GLRA1: variants seen among roughly 807,000 people sequenced by gnomAD.
GLRA1 encodes the protein glycine receptor subunit alpha-1.
In GLRA1, 37 loss-of-function variants were observed where a neutral mutation model predicts 48.3. The observed-to-expected ratio is 0.77, with a 90% CI of 0.59 to 1.01. The LOEUF (loss-of-function observed/expected upper bound fraction) is 1.01. GLRA1 is among the 50% of genes least tolerant of loss of function. The pLI, the probability that GLRA1 is intolerant of heterozygous loss-of-function variation, is 0.00. For synonymous variants in GLRA1, 196 were observed against 210.7 expected (o/e 0.93, Z 0.60); for missense variants, 427 against 571.0 (o/e 0.75, Z 2.57).
At chr5:151,899,230 C>T (rs935474883) in intron 1 of GLRA1, among the ~76,000 whole-genome samples, 17 of 152,166 alleles carry the variant, frequency 1.1e-4, no homozygotes, top group Admixed American at 8.5e-4. Context: ...GGCTGCCACT[C>T]TGCTTAGGTG....
chr5:151,822,714 T>C lies in GLRA1; in HGVS notation c.1309A>G (p.Ile437Val). ...TCCTCTCTACGGACAATCTTGTAGA[T>C]GATCCAGTAGAACATGTTGAAAATG... The part of the protein sequence containing the change: ...FLIFNMFYWI[I>V]YKIVRREDVH... The change falls in exon 9 of 9, where the codon ATC becomes GTC. Residue 437 changes from isoleucine to valine, a missense_variant. By Grantham distance (29) the Ile-to-Val change is conservative (BLOSUM62 3). This residue lies in a region of GLRA1 where 121 missense variants were observed against 96.5 expected (regional missense o/e 1.25). Transcript: ENST00000274576. 1 of 1,613,922 alleles carries C rather than the reference T, an allele frequency of 6.2e-7. No individual in the cohort carries two copies. The highest frequency in any genetic ancestry group is 1.3e-5 in the African/African-American group (1 of 75,026).
chr5:151,870,301 G>A (rs567635314), intron 3 of GLRA1, among the ~76,000 whole-genome samples: 1 of 149,436 alleles, frequency 6.7e-6, no homozygotes, highest in African/African-American at 2.6e-5. Flanking sequence ...GGAAGGAAGG[G>A]TGGATGTTAA....
chr5:151,924,666 C>A lies in GLRA1; in HGVS notation c.-117G>T. On this transcript the variant is annotated 5_prime_UTR_variant, in exon 1 of 9. Transcript: ENST00000274576. ...AAATAATCCAGATGTTAAAGGGAGG[C>A]GGGGAACAGGGGCGCGGAGGGAGAG... 2 of 775,580 alleles carry A rather than the reference C, an allele frequency of 2.6e-6. No individual in the cohort carries two copies. Among genetic ancestry groups the A allele is most frequent in the South Asian group, 1.4e-5 (1 of 73,620 alleles). The allele number at this position is 775,580 out of a possible 1,614,324, so 48.0% of individuals were successfully genotyped here.
At chr5:151,826,746 C>T (rs770750226) in intron 8 of GLRA1, among the ~76,000 whole-genome samples, 25 of 152,222 alleles carry the variant, frequency 1.6e-4, no homozygotes, top group Non-Finnish European at 2.5e-4. Context: ...ACTTAGGGAG[C>T]GTAGAAGCAG....
intron 2 of GLRA1, among the ~76,000 whole-genome samples, chr5:151,889,937 T>C (rs116375107): frequency 0.014 from 2,160 of 152,164 alleles, 69 homozygotes; most frequent in African/African-American, 0.049. Flanking sequence ...TAAGGCTAGT[T>C]GCAGGGTTGG....
chr5:151,896,982 T>G (rs1039609515), intron 1 of GLRA1, among the ~76,000 whole-genome samples: 2 of 152,184 alleles, frequency 1.3e-5, no homozygotes, highest in East Asian at 3.8e-4. Context: ...AGAGGCATAT[T>G]AACACCTAAC....
chr5:151,844,637 A>G (rs1481119039), intron 7 of GLRA1, among the ~76,000 whole-genome samples: 4 of 142,768 alleles, frequency 2.8e-5, no homozygotes, highest in Middle Eastern at 3.5e-3. Context: ...AAAAAAAAAA[A>G]AAAAGAAAAA....
chr5:151,859,676 C>T (rs989815494), intron 4 of GLRA1, 109 bp downstream of exon 4: 4 of 791,600 alleles, frequency 5.1e-6, no homozygotes, highest in African/African-American at 1.7e-5. Context: ...TGTTGGGTTG[C>T]CAGGGCCTGT....
At chr5:151,845,477 C>G (rs975310989) in intron 7 of GLRA1, among the ~76,000 whole-genome samples, 22 of 152,278 alleles carry the variant, frequency 1.4e-4, no homozygotes, top group Admixed American at 3.3e-4. Flanking sequence ...TGAAACAATG[C>G]TCAGCATTAT....
chr5:151,857,119 C>A (rs909861743), intron 4 of GLRA1, among the ~76,000 whole-genome samples: 2 of 152,224 alleles, frequency 1.3e-5, no homozygotes, highest in Non-Finnish European at 2.9e-5. Flanking sequence ...CAGCGACAAA[C>A]CTCTTTTCCC....
At chr5:151,917,301 A>G (rs1420219656) in intron 1 of GLRA1, among the ~76,000 whole-genome samples, 3 of 152,182 alleles carry the variant, frequency 2.0e-5, no homozygotes, top group Admixed American at 2.0e-4. Context: ...TCCTCAGGTG[A>G]TCCTGGACAC....
At chr5:151,904,787 G>T (rs545185775) in intron 1 of GLRA1, among the ~76,000 whole-genome samples, 2 of 152,310 alleles carry the variant, frequency 1.3e-5, no homozygotes, top group East Asian at 3.9e-4. Context: ...TTTGGTGTGT[G>T]GCACAGTGTA....
intron 3 of GLRA1, among the ~76,000 whole-genome samples, chr5:151,885,927 G>A (rs80341335): frequency 0.013 from 2,020 of 152,270 alleles, 39 homozygotes; most frequent in African/African-American, 0.047. Context: ...AGCCAGCCAT[G>A]ATGGAAGCCT....
intron 3 of GLRA1, among the ~76,000 whole-genome samples, chr5:151,867,245 G>A (rs1442213387): frequency 2.0e-5 from 3 of 152,174 alleles, no homozygotes; most frequent in African/African-American, 7.2e-5. Flanking sequence ...GCCCCTTTCA[G>A]TTTGTTCCAT....
In GLRA1 at chr5:151,908,666, TA is replaced by T. The variant is rs71749000; in HGVS notation, c.56+15827del. On this transcript the variant is annotated intron_variant, in intron 1 of 8. Coordinates refer to ENST00000274576, the MANE Select transcript of GLRA1 (RefSeq NM_000171.4). ...TCTCTCCCCTTTCTTGTTTTTTTTT[TA>T]AATTGTTCATTTTATTTCTTGCTCA... 6.9e-3 allele frequency among the ~76,000 whole-genome samples: 1,047 copies of T among 151,406 alleles called. 11 individuals carry two copies. Among genetic ancestry groups the T allele is most frequent in the African/African-American group, 0.024 (987 of 40,702 alleles).
intron 3 of GLRA1, among the ~76,000 whole-genome samples, chr5:151,872,216 G>A (rs149988405): frequency 2.0e-5 from 3 of 149,196 alleles, no homozygotes; most frequent in African/African-American, 7.8e-5. Flanking sequence ...CAAATTCTTC[G>A]TATAAAATTA....
Position 151,851,612 on chromosome 5 carries a change from A to G in GLRA1, c.698-8T>C, listed in dbSNP as rs750602781. 2 of 1,595,322 alleles carry G rather than the reference A, an allele frequency of 1.3e-6. No individual in the cohort carries two copies. Among genetic ancestry groups the G allele is most frequent in the Admixed American group, 3.3e-5 (2 of 60,002 alleles). ...CAATGCAGGTGAATTTACCTGCAAG[A>G]AATTGCAGTGAGAAGGCAGTGTAGC... On this transcript the variant is annotated splice_region_variant and splice_polypyrimidine_tract_variant and intron_variant, in intron 6 of 8. Coordinates refer to ENST00000274576, the MANE Select transcript of GLRA1 (RefSeq NM_000171.4).
At chr5:151,823,145 G>A (rs1392957171) in intron 8 of GLRA1, among the ~76,000 whole-genome samples, 182 bp from the exon 9 acceptor site, 4 of 152,134 alleles carry the variant, frequency 2.6e-5, no homozygotes, top group East Asian at 1.9e-4. Flanking sequence ...ATAGAGGGGC[G>A]CCACTTGCCT....
chr5:151,886,965 A>G lies in GLRA1; in HGVS notation c.185-177T>C, dbSNP rs908198754. ...TTCCCAGCCACCATTTAACATCTCT[A>G]TGCCAGACTTCCTGGTCCCCAAGTG... On this transcript the variant is annotated intron_variant, in intron 2 of 8. Coordinates refer to ENST00000274576, the MANE Select transcript of GLRA1 (RefSeq NM_000171.4). 9.2e-5 allele frequency among the ~76,000 whole-genome samples: 14 copies of G among 152,092 alleles called. No individual in the cohort carries two copies. In the South Asian group the frequency reaches 1.9e-3, roughly 20 times the overall value.
Sources: allele counts gnomAD v4.1 joint callset (sites outside exome capture counted in the v4.1 genomes callset), GRCh38; gene constraint gnomAD v4.1.1; regional missense constraint gnomAD v4.1.1; transcripts MANE v1.5; gene names NCBI Gene and HGNC (gene_info 2026-07-23, HGNC 2026-07-21).